PHACTR2: variants seen among roughly 807,000 people sequenced by gnomAD.
PHACTR2 encodes chromosome 6 open reading frame 56.
A neutral mutation model predicts 76.0 loss-of-function variants in PHACTR2; 30 were observed. The observed-to-expected ratio is 0.39, with a 90% confidence interval of 0.30 to 0.54. The LOEUF is 0.54. Among genes scored for constraint, PHACTR2 ranks in the 20% least tolerant of loss-of-function variants. The probability of loss-of-function intolerance (pLI) is 0.61; values close to 1 mark genes in which losing one functional copy is unlikely to be tolerated. For synonymous variants in PHACTR2, 292 were observed against 292.5 expected (o/e 1.00, Z 0.02); for missense variants, 696 against 781.1 (o/e 0.89, Z 1.30).
At position 143,558,612 on chromosome 6, in the gene PHACTR2, C is replaced by T. The variant is rs898341767; in HGVS notation, c.217+21405C>T. ...TTTCACTTATTCCTGTCTCCTTTGT[C>T]ATTTTCTTTAGTAATATTCTGGGTA... On this transcript the variant is annotated intron_variant, in intron 1 of 11. Coordinates refer to the PHACTR2 transcript ENST00000367584. This position sits in a 1 kb window ranked among gnomAD's most constrained non-coding sequence, Gnocchi z 4.7. Among the ~76,000 whole-genome samples the T allele has an allele frequency of 6.6e-6, 1 of 152,186 alleles. No homozygotes were observed. Among genetic ancestry groups the T allele is most frequent in the African/African-American group, 2.4e-5 (1 of 41,450 alleles).
intron 11 of PHACTR2, among the ~76,000 whole-genome samples, chr6:143,792,575 C>T: frequency 6.6e-6 from 1 of 152,080 alleles, no homozygotes; most frequent in East Asian, 1.9e-4. Flanking sequence ...GGGATTTAGT[C>T]AGGGCTCAGC....
intron 5 of PHACTR2, among the ~76,000 whole-genome samples, chr6:143,762,662 T>C (rs10484829): frequency 0.31 from 46,628 of 152,212 alleles, 7,934 homozygotes; most frequent in South Asian, 0.4. Context: ...CAAATGCTAC[T>C]CTTGATGTTC....
chr6:143,600,891 G>T (rs1216182366), intron 1 of PHACTR2, among the ~76,000 whole-genome samples: 1 of 152,180 alleles, frequency 6.6e-6, no homozygotes, highest in Non-Finnish European at 1.5e-5. Context: ...AAAAGAAGTT[G>T]GGCCTATACA....
At chr6:143,660,396 A>G (rs1294996433) in intron 1 of PHACTR2, among the ~76,000 whole-genome samples, 3 of 152,124 alleles carry the variant, frequency 2.0e-5, no homozygotes, top group African/African-American at 7.2e-5. Flanking sequence ...CATTTTTAAA[A>G]CCATCAGATC....
chr6:143,565,520 G>A (rs1775350425), intron 1 of PHACTR2, among the ~76,000 whole-genome samples: 1 of 151,716 alleles, frequency 6.6e-6, no homozygotes, highest in Non-Finnish European at 1.5e-5. Flanking sequence ...CAGGAGAATG[G>A]CGTGAACCCG....
At chr6:143,749,607 G>A (rs1425972139) in intron 3 of PHACTR2, among the ~76,000 whole-genome samples, 6 of 152,074 alleles carry the variant, frequency 3.9e-5, no homozygotes, top group Non-Finnish European at 7.4e-5. Context: ...TAATTTTGCA[G>A]TACTGTTCTC....
chr6:143,622,232 A>G (rs1281138582), intron 1 of PHACTR2, among the ~76,000 whole-genome samples: 1 of 152,108 alleles, frequency 6.6e-6, no homozygotes, highest in Non-Finnish European at 1.5e-5. Context: ...ATCCTGCCCA[A>G]ACCTCAGGAT....
rs1007082246 is a variant in PHACTR2, at chr6:143,742,044, G to T, written c.215-6941G>T. ...TGCCTGAACGCGGGAGGTGGAGGTT[G>T]CAGTGAGCTGGGATCGCGCCACTGC... On this transcript the variant is annotated intron_variant, in intron 2 of 12. Transcript: ENST00000440869. This position sits in a 1 kb window ranked among gnomAD's most constrained non-coding sequence, Gnocchi z 4.5. Among the ~76,000 whole-genome samples, 1 of 152,040 alleles carries T rather than the reference G, an allele frequency of 6.6e-6. No homozygotes were observed. Among genetic ancestry groups the T allele is most frequent in the Admixed American group, 6.5e-5 (1 of 15,268 alleles).
In PHACTR2 at chr6:143,793,114, G is replaced by T. The variant is rs1465487422; in HGVS notation, c.1845+4204G>T. On this transcript the variant is annotated intron_variant, in intron 11 of 12. Transcript: ENST00000440869. This position sits in a 1 kb window ranked among gnomAD's most constrained non-coding sequence, Gnocchi z 4.4. ...GCCAGATAAATGAGTAAAGATCACTGCAGTTGCCAAGTATGCAAGCAGGGA... is the reference window on the plus strand; with the variant it reads ...GCCAGATAAATGAGTAAAGATCACTTCAGTTGCCAAGTATGCAAGCAGGGA... Among the ~76,000 whole-genome samples, 1 of 152,198 alleles carries T rather than the reference G, an allele frequency of 6.6e-6. No homozygotes were observed.
chr6:143,810,630 T>G (rs775227377), intron 12 of PHACTR2: 26 of 434,332 alleles, frequency 6.0e-5, no homozygotes, highest in African/African-American at 5.3e-4. Context: ...AGGAGTTCTC[T>G]ACCAGCCTGG....
Position 143,639,337 on chromosome 6 carries a change from C to T in PHACTR2, c.13+31015C>T, listed in dbSNP as rs1562255965. Among the ~76,000 whole-genome samples the T allele has an allele frequency of 6.6e-6, 1 of 152,138 alleles. No individual in the cohort carries two copies. The highest frequency in any genetic ancestry group is 1.5e-5 in the Non-Finnish European group (1 of 68,022). ...TTATATAGTGATTTAATCTTTAAATCACGTTGGGAGTTAGTGTTTATGCCA... is the reference window on the plus strand; with the variant it reads ...TTATATAGTGATTTAATCTTTAAATTACGTTGGGAGTTAGTGTTTATGCCA... On this transcript the variant is annotated intron_variant, in intron 1 of 11. Transcript: ENST00000305766. This position sits in a 1 kb window ranked among gnomAD's most constrained non-coding sequence, Gnocchi z 5.0.
Position 143,624,155 on chromosome 6 carries a change from G to A in PHACTR2, c.13+15833G>A, listed in dbSNP as rs1385067172. On this transcript the variant is annotated intron_variant, in intron 1 of 11. Coordinates refer to the PHACTR2 transcript ENST00000305766. The surrounding 1 kb of genome is among the most constrained non-coding windows in gnomAD (Gnocchi z 4.6). Reference sequence around the variant, plus strand: ...ACAGTATTGCTCTTTTGCCCAGGCTGGAGTGCAGTGGCCCAATCTCGGCTC... The same window carrying A: ...ACAGTATTGCTCTTTTGCCCAGGCTAGAGTGCAGTGGCCCAATCTCGGCTC... Among the ~76,000 whole-genome samples, 3 of 152,082 alleles carry A rather than the reference G, an allele frequency of 2.0e-5. No individual in the cohort carries two copies. The highest frequency in any genetic ancestry group is 7.2e-5 in the African/African-American group (3 of 41,390).
rs74563495 is a variant in PHACTR2, at chr6:143,757,697, T to C, written c.455-2704T>C. Among the ~76,000 whole-genome samples, 1,409 of 152,318 alleles carry C rather than the reference T, an allele frequency of 9.3e-3. 29 individuals are homozygous for C. The highest frequency in any genetic ancestry group is 0.031 in the African/African-American group (1,270 of 41,560). On this transcript the variant is annotated intron_variant, in intron 4 of 12. Transcript: ENST00000440869. The surrounding 1 kb of genome is among the most constrained non-coding windows in gnomAD (Gnocchi z 4.2). ...TCCTATATGCCATCAGTTTATATCA[T>C]GTCTTCAGATCACATGGTAAGTGTA...
chr6:143,720,603 G>A (rs539303587), intron 2 of PHACTR2, among the ~76,000 whole-genome samples: 76 of 152,258 alleles, frequency 5.0e-4, no homozygotes, highest in African/African-American at 1.6e-3. Flanking sequence ...CGAACCTCAT[G>A]GTTGTTAATC....
At position 143,680,847 on chromosome 6, in the gene PHACTR2, A is replaced by G. The variant is rs1169785370; in HGVS notation, c.46+2638A>G. Among the ~76,000 whole-genome samples the G allele has an allele frequency of 6.6e-6, 1 of 152,180 alleles. No individual in the cohort carries two copies. Among genetic ancestry groups the G allele is most frequent in the Non-Finnish European group, 1.5e-5 (1 of 68,002 alleles). On this transcript the variant is annotated intron_variant, in intron 1 of 12. Transcript: ENST00000440869. This position sits in a 1 kb window ranked among gnomAD's most constrained non-coding sequence, Gnocchi z 4.5. ...TTCTTATTGAGAACATTTCATGTCA[A>G]TGGAATCATAATGTGTCATTTTGTG...
chr6:143,711,471 G>A (rs1310480040), intron 1 of PHACTR2, among the ~76,000 whole-genome samples: 1 of 152,182 alleles, frequency 6.6e-6, no homozygotes, highest in African/African-American at 2.4e-5. Context: ...TGTTGTTAGT[G>A]TAGTTATCAG....
At chr6:143,613,833 TC>T (rs760453741) in intron 1 of PHACTR2, among the ~76,000 whole-genome samples, 15 of 152,218 alleles carry the variant, frequency 9.9e-5, no homozygotes, top group Admixed American at 7.9e-4. Context: ...TTAAATAAAC[TC>T]CCCAACCCAC....
rs560079559 is a variant in PHACTR2, at chr6:143,684,432, T to A, written c.46+6223T>A. On this transcript the variant is annotated intron_variant, in intron 1 of 12. Coordinates refer to ENST00000440869, the MANE Select transcript of PHACTR2 (RefSeq NM_001100164.2). This position sits in a 1 kb window ranked among gnomAD's most constrained non-coding sequence, Gnocchi z 4.3. ...TCCCAAATATATCTCAAGTCCATGC[T>A]CTTCTGTCTGTCCCTACTGCCACTA... 7.2e-5 allele frequency among the ~76,000 whole-genome samples: 11 copies of A among 152,298 alleles called. No homozygotes were observed. The highest frequency in any genetic ancestry group is 2.4e-4 in the African/African-American group (10 of 41,554).
intron 2 of PHACTR2, 31 bp downstream of exon 2, chr6:143,712,214 G>T: frequency 7.5e-7 from 1 of 1,337,202 alleles, no homozygotes; most frequent in Non-Finnish European, 9.8e-7. Flanking sequence ...TAGAAGATGG[G>T]ATAAATTGTA....
Sources: gnomAD v4.1 joint callset for allele counts (sites outside exome capture counted in the v4.1 genomes callset) on GRCh38, gnomAD v4.1.1 for gene constraint, Gnocchi (gnomAD v3.1) non-coding constraint, MANE v1.5 for transcripts, NCBI Gene and HGNC (gene_info 2026-07-23, HGNC 2026-07-21) for gene names.